CLIP2: variants seen among roughly 807,000 people sequenced by gnomAD.
The protein encoded by CLIP2 is CAP-Gly domain containing linker protein 2, also known as CAP-Gly domain-containing linker protein 2.
Under a neutral mutation model 111.7 loss-of-function variants are expected in CLIP2, and 41 were observed. The ratio of observed to expected loss-of-function variants is 0.37; its 90% CI spans 0.29 to 0.48. CLIP2 has a LOEUF of 0.48. CLIP2 is among the 20% of genes least tolerant of loss of function. The probability of loss-of-function intolerance (pLI) is 0.99; values close to 1 mark genes in which losing one functional copy is unlikely to be tolerated. For missense variants in CLIP2, 1,160 were observed against 1,422.1 expected, an observed-to-expected ratio of 0.82 and a Z score of 2.96; for synonymous variants, 660 against 644.2, an observed-to-expected ratio of 1.02 and a Z score of -0.37.
chr7:74,374,367 C>T (rs138529240), intron 9 of CLIP2, among the ~76,000 whole-genome samples: 2 of 152,202 alleles, frequency 1.3e-5, no homozygotes, highest in African/African-American at 2.4e-5. Context: ...CACGGCGGAC[C>T]GGCCGGAGCC....
intron 2 of CLIP2, among the ~76,000 whole-genome samples, chr7:74,329,206 G>A (rs556555041): frequency 3.3e-5 from 5 of 150,440 alleles, no homozygotes; most frequent in Non-Finnish European, 5.9e-5. Flanking sequence ...GATTACAGGC[G>A]TGAGCCACCG....
At chr7:74,344,719 C>T (rs1279876018) in intron 3 of CLIP2, among the ~76,000 whole-genome samples, 1 of 151,908 alleles carries the variant, frequency 6.6e-6, no homozygotes, top group Non-Finnish European at 1.5e-5. Flanking sequence ...AGGATTTAGG[C>T]TAGGGAAGAG....
chr7:74,367,538 C>A (rs868911197), intron 8 of CLIP2, among the ~76,000 whole-genome samples: 28 of 152,054 alleles, frequency 1.8e-4, no homozygotes, highest in Admixed American at 7.9e-4. Flanking sequence ...ATTGCCCAGG[C>A]TGGTCTCAAA....
intron 4 of CLIP2, among the ~76,000 whole-genome samples, chr7:74,356,173 T>G (rs1790137074): frequency 6.6e-6 from 1 of 152,088 alleles, no homozygotes; most frequent in South Asian, 2.1e-4. Flanking sequence ...CTTCCAAGAG[T>G]ATTCTCATTG....
chr7:74,303,183 C>A (rs1229991679), intron 1 of CLIP2, among the ~76,000 whole-genome samples: 1 of 152,218 alleles, frequency 6.6e-6, no homozygotes, highest in Non-Finnish European at 1.5e-5. Flanking sequence ...CTCTTCTTGC[C>A]CTGGTCAGGG....
At chr7:74,394,545 G>A (rs1488178847) in intron 13 of CLIP2, among the ~76,000 whole-genome samples, 1 of 152,098 alleles carries the variant, frequency 6.6e-6, no homozygotes. Context: ...CCACCGCCCC[G>A]GGCCCAGCAT....
chr7:74,292,455 C>T (rs1174778525), intron 1 of CLIP2, among the ~76,000 whole-genome samples: 2 of 152,176 alleles, frequency 1.3e-5, no homozygotes, highest in Non-Finnish European at 2.9e-5. Context: ...GGTGCCACCT[C>T]GGCTCACTGC....
At chr7:74,319,202 A>C (rs1788877358) in intron 2 of CLIP2, among the ~76,000 whole-genome samples, 1 of 152,082 alleles carries the variant, frequency 6.6e-6, no homozygotes, top group Non-Finnish European at 1.5e-5. Context: ...CTGAGGCTGG[A>C]ATGAATTTGA....
In CLIP2 at chr7:74,338,263, A is replaced by G. The variant is rs1295820859; in HGVS notation, c.122-185A>G. Among the ~76,000 whole-genome samples the G allele has an allele frequency of 6.6e-6, 1 of 152,054 alleles. No individual in the cohort carries two copies. The highest frequency in any genetic ancestry group is 1.5e-5 in the Non-Finnish European group (1 of 68,004). On this transcript the variant is annotated intron_variant, in intron 2 of 16. Coordinates refer to ENST00000223398, the MANE Select transcript of CLIP2 (RefSeq NM_003388.5). The surrounding 1 kb of genome is among the most constrained non-coding windows in gnomAD (Gnocchi z 4.3). ...ACGCCTGTAATCCCAGCAATTTGGG[A>G]AGCCAAGGCGGGCGGATTTCTTGAG...
intron 14 of CLIP2, among the ~76,000 whole-genome samples, chr7:74,399,970 C>T (rs1027717336): frequency 7.0e-4 from 106 of 151,514 alleles, no homozygotes; most frequent in Admixed American, 2.2e-3. Context: ...CTGGCTAACA[C>T]GGTGAAACCA....
chr7:74,299,140 T>C (rs1457130521), intron 1 of CLIP2, among the ~76,000 whole-genome samples: 1 of 152,084 alleles, frequency 6.6e-6, no homozygotes, highest in Non-Finnish European at 1.5e-5. Flanking sequence ...GAGACCAGCC[T>C]GGGCACCTTG....
chr7:74,333,931 C>CT (rs1789372758), intron 2 of CLIP2, among the ~76,000 whole-genome samples: 1 of 152,174 alleles, frequency 6.6e-6, no homozygotes, highest in Admixed American at 6.6e-5. Context: ...CTTTGGCCTG[C>CT]GAGGATATGG....
intron 8 of CLIP2, among the ~76,000 whole-genome samples, chr7:74,365,965 C>T (rs977659363): frequency 1.3e-5 from 2 of 151,942 alleles, no homozygotes; most frequent in African/African-American, 4.8e-5. Flanking sequence ...CTATGTTGCC[C>T]AGGCAGGGTC....
At chr7:74,399,294 T>A (rs1275105251) in intron 14 of CLIP2, among the ~76,000 whole-genome samples, 1 of 151,930 alleles carries the variant, frequency 6.6e-6, no homozygotes, top group Non-Finnish European at 1.5e-5. Context: ...TCCCACTGCT[T>A]TGGGAGGCCA....
chr7:74,338,411 C>T lies in CLIP2; in HGVS notation c.122-37C>T, dbSNP rs1554732538. 2 of 1,600,502 alleles carry T rather than the reference C, an allele frequency of 1.2e-6. No homozygotes were observed. Among genetic ancestry groups the T allele is most frequent in the Middle Eastern group, 1.9e-4 (1 of 5,388 alleles). ...GGGGCCACCCAGGGGCCAGCCCTAA[C>T]AGCCACCTCTTTCCCTTTCCCTCTC... On this transcript the variant is annotated intron_variant, in intron 2 of 16. Coordinates refer to ENST00000223398, the MANE Select transcript of CLIP2 (RefSeq NM_003388.5). The surrounding 1 kb of genome is among the most constrained non-coding windows in gnomAD (Gnocchi z 4.3).
chr7:74,292,827 C>G (rs782514216), intron 1 of CLIP2, among the ~76,000 whole-genome samples: 2 of 152,196 alleles, frequency 1.3e-5, no homozygotes, highest in Non-Finnish European at 2.9e-5. Context: ...CTACTGTATG[C>G]CTGGGAGGCA....
At chr7:74,294,513 C>T (rs1418803531) in intron 1 of CLIP2, among the ~76,000 whole-genome samples, 1 of 152,262 alleles carries the variant, frequency 6.6e-6, no homozygotes, top group East Asian at 1.9e-4. Flanking sequence ...CACCCGCTCC[C>T]GATTCATTTC....
intron 2 of CLIP2, among the ~76,000 whole-genome samples, chr7:74,321,079 C>T (rs185420795): frequency 3.0e-3 from 460 of 152,240 alleles, no homozygotes; most frequent in Non-Finnish European, 4.7e-3. Flanking sequence ...CTGTGTGACC[C>T]TGGGAGAGTG....
chr7:74,291,412 C>T (rs1396695284), intron 1 of CLIP2, among the ~76,000 whole-genome samples: 2 of 152,204 alleles, frequency 1.3e-5, no homozygotes, highest in East Asian at 1.9e-4. Flanking sequence ...TCTACCTTGG[C>T]GGTGAAGAGT....
Sources: gnomAD v4.1 joint callset for allele counts (sites outside exome capture counted in the v4.1 genomes callset) on GRCh38, gnomAD v4.1.1 for gene constraint, Gnocchi (gnomAD v3.1) non-coding constraint, MANE v1.5 for transcripts, NCBI Gene and HGNC (gene_info 2026-07-23, HGNC 2026-07-21) for gene names.